The following ITPKB variants were observed in gnomAD, a reference collection of about 807,000 sequenced individuals.
ITPKB encodes the protein inositol-trisphosphate 3-kinase B, also known as IP3 3-kinase B.
Under a neutral mutation model 69.4 loss-of-function variants are expected in ITPKB, and 13 were observed. That is an observed-to-expected ratio of 0.19 (90% CI 0.12 to 0.30). The LOEUF (loss-of-function observed/expected upper bound fraction) is 0.30, where lower values mean the gene tolerates loss of function less well. Among genes scored for constraint, ITPKB ranks in the 10% least tolerant of loss-of-function variants. The probability of loss-of-function intolerance (pLI) is 1.00; values close to 1 mark genes in which losing one functional copy is unlikely to be tolerated. For synonymous variants in ITPKB, 584 were observed against 513.7 expected (o/e 1.14, Z -1.85); for missense variants, 1,240 against 1,250.5 (o/e 0.99, Z 0.13).
At chr1:226,709,870 T>G (rs1295602354) in intron 2 of ITPKB, among the ~76,000 whole-genome samples, 3 of 152,040 alleles carry the variant, frequency 2.0e-5, no homozygotes, top group African/African-American at 4.8e-5. Context: ...TTGAAGAGAG[T>G]CCCTTAGTAA....
At chr1:226,649,433 G>T (rs978183284) in intron 2 of ITPKB, among the ~76,000 whole-genome samples, 1 of 132,290 alleles carries the variant, frequency 7.6e-6, no homozygotes, top group South Asian at 2.4e-4. Context: ...GAGTGTGTGC[G>T]TATGTGTGCG....
At chr1:226,663,565 C>T (rs1439285315) in intron 2 of ITPKB, among the ~76,000 whole-genome samples, 1 of 151,972 alleles carries the variant, frequency 6.6e-6, no homozygotes, top group African/African-American at 2.4e-5. Context: ...GGAGTGGAGT[C>T]AGTGGCGCAA....
At chr1:226,713,479 C>T (rs1200299303) in intron 2 of ITPKB, among the ~76,000 whole-genome samples, 2 of 152,226 alleles carry the variant, frequency 1.3e-5, no homozygotes, top group Non-Finnish European at 2.9e-5. Flanking sequence ...CACAGGTTTC[C>T]GGTGTCATCC....
chr1:226,638,855 C>T (rs1239851807), intron 6 of ITPKB, among the ~76,000 whole-genome samples: 1 of 151,958 alleles, frequency 6.6e-6, no homozygotes, highest in Non-Finnish European at 1.5e-5. Context: ...GCACTGTTCT[C>T]TCTCTCAGGG....
At chr1:226,664,872 C>T (rs376091918) in intron 2 of ITPKB, among the ~76,000 whole-genome samples, 2 of 152,174 alleles carry the variant, frequency 1.3e-5, no homozygotes, top group Admixed American at 1.3e-4. Context: ...GCCAGCACGA[C>T]GCAAATGGAC....
At chr1:226,708,465 G>A (rs971149848) in intron 2 of ITPKB, among the ~76,000 whole-genome samples, 4 of 152,168 alleles carry the variant, frequency 2.6e-5, no homozygotes, top group Non-Finnish European at 4.4e-5. Flanking sequence ...ACTTAGGCAC[G>A]AGTAACTCGA....
intron 4 of ITPKB, among the ~76,000 whole-genome samples, chr1:226,645,137 C>A (rs544606968): frequency 1.3e-5 from 2 of 152,194 alleles, no homozygotes; most frequent in Admixed American, 6.5e-5. Context: ...CCCAGAATGG[C>A]GGTGAGAACG....
chr1:226,674,126 A>G (rs865964276), intron 2 of ITPKB, among the ~76,000 whole-genome samples: 11 of 152,324 alleles, frequency 7.2e-5, no homozygotes, highest in African/African-American at 2.2e-4. Context: ...AAAAGCTGTA[A>G]GAAAAACTGA....
intron 2 of ITPKB, among the ~76,000 whole-genome samples, chr1:226,661,712 C>G (rs761816313): frequency 1.4e-4 from 21 of 152,220 alleles, no homozygotes; most frequent in Non-Finnish European, 1.9e-4. Context: ...GGTACATACA[C>G]AAGAGCACTC....
intron 4 of ITPKB, among the ~76,000 whole-genome samples, chr1:226,646,256 G>A (rs375507780): frequency 2.8e-4 from 42 of 152,304 alleles, no homozygotes; most frequent in African/African-American, 8.7e-4. Context: ...AGCACCGCAC[G>A]CTGGACACCA....
In ITPKB at chr1:226,738,264, C is replaced by T. The variant is rs1440266304; in HGVS notation, c.-205-601G>A. Among the ~76,000 whole-genome samples the T allele has an allele frequency of 6.6e-6, 1 of 152,218 alleles. No individual in the cohort carries two copies. The highest frequency in any genetic ancestry group is 6.5e-5 in the Admixed American group (1 of 15,290). On this transcript the variant is annotated intron_variant, in intron 1 of 7. Transcript: ENST00000429204. The surrounding 1 kb of genome is among the most constrained non-coding windows in gnomAD (Gnocchi z 4.2). Reference sequence around the variant, plus strand: ...CGCCGTTTACCTTCCTGACCCTAGCCTTGGGGCTGTGTCTCTCGGCCTACG... The same window carrying T: ...CGCCGTTTACCTTCCTGACCCTAGCTTTGGGGCTGTGTCTCTCGGCCTACG...
At chr1:226,662,549 A>C (rs1669421014) in intron 2 of ITPKB, among the ~76,000 whole-genome samples, 1 of 152,248 alleles carries the variant, frequency 6.6e-6, no homozygotes, top group African/African-American at 2.4e-5. Context: ...TCTCTAGGCC[A>C]AGAACATTAA....
Position 226,738,456 on chromosome 1 carries a change from G to A in ITPKB, c.-206+585C>T, listed in dbSNP as rs919846699. ...CCCTGCCGTCGTCCCCTATGGGGGG[G>A]TGTCTGTGAGTGTGTGTGTATACAC... is the stretch of plus-strand genomic sequence containing the variant. On this transcript the variant is annotated intron_variant, in intron 1 of 7. Transcript: ENST00000429204. This position sits in a 1 kb window ranked among gnomAD's most constrained non-coding sequence, Gnocchi z 4.2. Among the ~76,000 whole-genome samples the A allele has an allele frequency of 6.6e-6, 1 of 152,220 alleles. No individual in the cohort carries two copies. The highest frequency in any genetic ancestry group is 6.5e-5 in the Admixed American group (1 of 15,292).
chr1:226,667,999 C>G (rs984295946), intron 2 of ITPKB, among the ~76,000 whole-genome samples: 3 of 152,132 alleles, frequency 2.0e-5, no homozygotes, highest in Non-Finnish European at 2.9e-5. Flanking sequence ...GCACTAAGGG[C>G]CTGGCACGGA....
At position 226,632,997 on chromosome 1, in the gene ITPKB, C is replaced by T. The variant is rs1458315710; in HGVS notation, c.*1674G>A. On this transcript the variant is annotated 3_prime_UTR_variant, in exon 8 of 8. Coordinates refer to ENST00000429204, the MANE Select transcript of ITPKB (RefSeq NM_002221.4). The stretch of plus-strand genomic sequence containing the variant: ...CTGCCTTCCAGATCACATGCTGCCA[C>T]GAGGTCTCTCGTGCTCCACCGGGCG... 2.6e-5 allele frequency: 4 copies of T among 152,234 alleles called. No individual in the cohort carries two copies. Among genetic ancestry groups the T allele is most frequent in the African/African-American group, 7.2e-5 (3 of 41,444 alleles). The allele number at this position is 152,234 out of a possible 1,614,324, so 9.4% of individuals were successfully genotyped here.
chr1:226,691,407 C>G (rs1656349584), intron 2 of ITPKB, among the ~76,000 whole-genome samples: 1 of 152,090 alleles, frequency 6.6e-6, no homozygotes, highest in African/African-American at 2.4e-5. Context: ...TGGGGCCTGG[C>G]TGGGGGGACT....
At chr1:226,696,598 C>T (rs1459253301) in intron 2 of ITPKB, among the ~76,000 whole-genome samples, 1 of 152,194 alleles carries the variant, frequency 6.6e-6, no homozygotes, top group Non-Finnish European at 1.5e-5. Flanking sequence ...CTAGCTGCTG[C>T]TATTTCTCAG....
At chr1:226,645,137 C>T (rs544606968) in intron 4 of ITPKB, among the ~76,000 whole-genome samples, 2 of 152,312 alleles carry the variant, frequency 1.3e-5, no homozygotes, top group South Asian at 2.1e-4. Flanking sequence ...CCCAGAATGG[C>T]GGTGAGAACG....
At position 226,737,579 on chromosome 1, in the gene ITPKB, G is replaced by A. The variant is rs890161983; in HGVS notation, c.-121C>T. 5 of 1,203,672 alleles carry A rather than the reference G, an allele frequency of 4.2e-6. No individual in the cohort carries two copies. In the African/African-American group the frequency reaches 8.0e-5, roughly 19 times the overall value. 74.6% of individuals were successfully genotyped at this position (1,203,672 alleles called of 1,614,324 possible). On this transcript the variant is annotated 5_prime_UTR_variant, in exon 2 of 8. Coordinates refer to ENST00000429204, the MANE Select transcript of ITPKB (RefSeq NM_002221.4). ...CCCGGCAGCCGCGGCTCCGCGCGCA[G>A]ATGGGGCGGCATGGCCTGGGCAGCG...
Sources: gnomAD v4.1 joint callset for allele counts (sites outside exome capture counted in the v4.1 genomes callset) on GRCh38, gnomAD v4.1.1 for gene constraint, Gnocchi (gnomAD v3.1) non-coding constraint, MANE v1.5 for transcripts, NCBI Gene and HGNC (gene_info 2026-07-23, HGNC 2026-07-21) for gene names.